Variants in SGSM1 observed in about 807,000 individuals in gnomAD.
The protein encoded by SGSM1 is RUN and TBC1 domain containing 2.
SGSM1 carries 73 observed loss-of-function variants against 133.8 expected under a neutral mutation model. The ratio of observed to expected loss-of-function variants is 0.55; its 90% confidence interval spans 0.45 to 0.66. The LOEUF is 0.66. SGSM1 is among the 30% of genes least tolerant of loss of function. The probability of loss-of-function intolerance (pLI) is 0.00; values close to 1 mark genes in which losing one functional copy is unlikely to be tolerated. For synonymous variants in SGSM1, 563 were observed against 573.0 expected (o/e 0.98, Z 0.25); for missense variants, 1,213 against 1,448.1 (o/e 0.84, Z 2.64).
At chr22:24,901,981 C>A (rs1386006186) in intron 20 of SGSM1, 24 bp downstream of exon 20, 1 of 494,884 alleles carries the variant, frequency 2.0e-6, no homozygotes, top group Non-Finnish European at 2.9e-6. Flanking sequence ...GCGAGGGGAT[C>A]TAGGGGATGG....
chr22:24,842,545 A>G (rs769025888), intron 2 of SGSM1, among the ~76,000 whole-genome samples: 21 of 152,232 alleles, frequency 1.4e-4, no homozygotes, highest in Non-Finnish European at 3.1e-4. Context: ...CTGGAACTCA[A>G]GGTAGTTGTT....
chr22:24,831,148 T>C (rs1359764634), intron 2 of SGSM1, among the ~76,000 whole-genome samples: 1 of 150,598 alleles, frequency 6.6e-6, no homozygotes, highest in Non-Finnish European at 1.5e-5. Flanking sequence ...TGCAGGAGGG[T>C]TAGGAGGAGG....
intron 2 of SGSM1, among the ~76,000 whole-genome samples, chr22:24,831,468 A>G (rs1188283742): frequency 6.6e-6 from 1 of 152,128 alleles, no homozygotes; most frequent in African/African-American, 2.4e-5. Flanking sequence ...TACCTAAGGC[A>G]ATGTCATGTC....
At chr22:24,901,121 A>G (rs1933145042) in intron 19 of SGSM1, 1 of 152,244 alleles carries the variant, frequency 6.6e-6, no homozygotes, top group South Asian at 2.1e-4. Context: ...TGTTCAAGGT[A>G]TAATCAGTCA....
rs775215307 is a variant in SGSM1, at chr22:24,854,988, C to G, written c.456-8C>G. 11 of 1,612,278 alleles carry G rather than the reference C, an allele frequency of 6.8e-6. No individual in the cohort carries two copies. Among genetic ancestry groups the G allele is most frequent in the Non-Finnish European group, 7.6e-6 (9 of 1,178,984 alleles). ...CATCCAAACCTGCATATTCTCTCCT[C>G]TTGCTAGTAAATACTATGAGAAGGA... On this transcript the variant is annotated splice_polypyrimidine_tract_variant and splice_region_variant and intron_variant, in intron 5 of 24. Coordinates refer to ENST00000400358, the MANE Select transcript of SGSM1 (RefSeq NM_001098497.3).
In SGSM1 at chr22:24,898,301, T is replaced by C. The variant is rs1254436174; in HGVS notation, c.2352T>C (p.Ser784=). ...TGGCCGTGCAGGACAGCCTGGAGAG[T>C]GACCTCCTGGCCAACGAGAGCATGG... ...EELAVQDSLE[S]DLLANESMDE... Residue 784 remains serine (S), a synonymous_variant, in exon 19 of 25, where the codon AGT becomes AGC. Coordinates refer to ENST00000400358, the MANE Select transcript of SGSM1 (RefSeq NM_001098497.3). The C allele has an allele frequency of 6.2e-7, 1 of 1,613,306 alleles. No individual in the cohort carries two copies. Among genetic ancestry groups the C allele is most frequent in the South Asian group, 1.1e-5 (1 of 91,036 alleles).
intron 23 of SGSM1, among the ~76,000 whole-genome samples, chr22:24,918,495 C>CA (rs36015942): frequency 0.39 from 54,595 of 138,902 alleles, 10,789 homozygotes; most frequent in East Asian, 0.56. Context: ...GACTCCATCT[C>CA]AAAAAAAAAA....
In SGSM1 at chr22:24,859,844, G is replaced by A; in HGVS notation, c.926+4G>A. The A allele has an allele frequency of 1.9e-6, 3 of 1,613,586 alleles. No individual in the cohort carries two copies. Among genetic ancestry groups the A allele is most frequent in the African/African-American group, 1.3e-5 (1 of 75,054 alleles). ...GGGACCTGGACTATGAGAAGAGGTA[G>A]GGCACTGGGTCTGATACGTATCCCT... is the stretch of plus-strand genomic sequence containing the variant. On this transcript the variant is annotated splice_donor_region_variant and intron_variant, in intron 9 of 24. Transcript: ENST00000400358.
chr22:24,845,799 A>G (rs1176832888), intron 3 of SGSM1, among the ~76,000 whole-genome samples: 1 of 151,920 alleles, frequency 6.6e-6, no homozygotes, highest in Non-Finnish European at 1.5e-5. Context: ...CCCTCTCTTC[A>G]GCCAGGCAGA....
chr22:24,887,638 C>G lies in SGSM1; in HGVS notation c.1770+910C>G, dbSNP rs541351240. On this transcript the variant is annotated intron_variant, in intron 16 of 24. Transcript: ENST00000400358. ...CTGGGTCATATAGTAGTCGCATGTTCAGTTTTATATGAAACTGGCAAACTT... is the reference window on the plus strand; with the variant it reads ...CTGGGTCATATAGTAGTCGCATGTTGAGTTTTATATGAAACTGGCAAACTT... 8.5e-5 allele frequency among the ~76,000 whole-genome samples: 13 copies of G among 152,200 alleles called. No individual in the cohort carries two copies. The South Asian group carries it at 2.5e-3, about 29-fold the overall frequency.
chr22:24,918,214 T>C (rs1933888664), intron 23 of SGSM1, among the ~76,000 whole-genome samples: 1 of 152,130 alleles, frequency 6.6e-6, no homozygotes, highest in Non-Finnish European at 1.5e-5. Context: ...AATTATAGTA[T>C]CTGACATGGG....
intron 8 of SGSM1, among the ~76,000 whole-genome samples, chr22:24,857,015 G>T (rs1348554714): frequency 6.6e-6 from 1 of 151,878 alleles, no homozygotes; most frequent in Non-Finnish European, 1.5e-5. Flanking sequence ...TGATCTGCCC[G>T]CTTTGGCCTC....
intron 14 of SGSM1, among the ~76,000 whole-genome samples, chr22:24,880,146 T>A (rs1932247248): frequency 6.6e-6 from 1 of 151,982 alleles, no homozygotes; most frequent in Non-Finnish European, 1.5e-5. Flanking sequence ...GCTGTCTTTT[T>A]TTTTTTGAGA....
chr22:24,867,597 A>C (rs1015149484), intron 10 of SGSM1, among the ~76,000 whole-genome samples: 4 of 152,256 alleles, frequency 2.6e-5, no homozygotes, highest in African/African-American at 9.6e-5. Flanking sequence ...TGGAAGCTCC[A>C]GAGCCGGGAC....
intron 12 of SGSM1, chr22:24,874,623 C>T: frequency 8.5e-6 from 13 of 1,525,292 alleles, no homozygotes; most frequent in Non-Finnish European, 1.1e-5. Flanking sequence ...GGGTGCCAGC[C>T]ACCTCTGCCA....
At chr22:24,877,703 C>T (rs1932092843) in intron 13 of SGSM1, among the ~76,000 whole-genome samples, 1 of 151,436 alleles carries the variant, frequency 6.6e-6, no homozygotes, top group Admixed American at 6.6e-5. Context: ...TCTCTCATCC[C>T]AAACTTCCTG....
At chr22:24,897,935 A>G (rs770469261) in intron 18 of SGSM1, 37 bp from the exon 19 acceptor site, 11 of 1,532,806 alleles carry the variant, frequency 7.2e-6, no homozygotes, top group Non-Finnish European at 9.7e-6. Flanking sequence ...TGCAGTCGAC[A>G]TGCCGGTCCA....
intron 10 of SGSM1, among the ~76,000 whole-genome samples, chr22:24,867,681 G>A (rs1313462446): frequency 6.6e-6 from 1 of 152,170 alleles, no homozygotes; most frequent in Non-Finnish European, 1.5e-5. Context: ...CTTCTTTAAA[G>A]CCAGAAGAAA....
chr22:24,898,187 C>T lies in SGSM1; in HGVS notation c.2238C>T (p.Pro746=), dbSNP rs1389301116. The T allele has an allele frequency of 1.2e-6, 2 of 1,613,842 alleles. No individual in the cohort carries two copies. The highest frequency in any genetic ancestry group is 8.5e-7 in the Non-Finnish European group (1 of 1,179,874). Reference sequence around the variant, plus strand: ...TCTTGGACGCCCAGCGGAACACCCCCACGGTGCTGCGACCTAGGGATGGCA... The same window carrying T: ...TCTTGGACGCCCAGCGGAACACCCCTACGGTGCTGCGACCTAGGGATGGCA... ...DSVLDAQRNT[P]TVLRPRDGSV... The change falls in exon 19 of 25, where the codon CCC becomes CCT. Residue 746 remains proline, a synonymous_variant. Coordinates refer to ENST00000400358, the MANE Select transcript of SGSM1 (RefSeq NM_001098497.3).
Sources: allele counts gnomAD v4.1 joint callset (sites outside exome capture counted in the v4.1 genomes callset), GRCh38; gene constraint gnomAD v4.1.1; transcripts MANE v1.5; gene names NCBI Gene and HGNC (gene_info 2026-07-23, HGNC 2026-07-21).